KIF13B: variants seen among roughly 807,000 people sequenced by gnomAD.
KIF13B encodes kinesin family member 13B.
In KIF13B, 127 loss-of-function variants were observed where a neutral mutation model predicts 222.0. The observed-to-expected ratio is 0.57, with a 90% CI of 0.50 to 0.66. The LOEUF (loss-of-function observed/expected upper bound fraction) is 0.66. Among genes scored for constraint, KIF13B ranks in the 30% least tolerant of loss-of-function variants. The pLI is 0.00. For missense variants in KIF13B, 2,173 were observed against 2,379.0 expected (o/e 0.91, Z 1.80); for synonymous variants, 976 against 919.0 (o/e 1.06, Z -1.12).
Position 29,188,521 on chromosome 8 carries a change from G to A in KIF13B, c.310C>T (p.Gln104Ter). 6.3e-7 allele frequency: 1 copy of A among 1,589,710 alleles called. No individual in the cohort carries two copies. The change falls in exon 5 of 40, where the codon CAG (glutamine) becomes TAG (stop). Residue 104 changes from glutamine to a stop codon, truncating the protein, a stop_gained. Coordinates refer to ENST00000524189, the MANE Select transcript of KIF13B (RefSeq NM_015254.4). LOFTEE classifies it high-confidence loss of function. ...TCATGTTATTTAACATTACCAGTCT[G>A]TCCATAGGCAAAGATACATGCATTG... ...GYNACIFAYGQTGSGKSYTMM... is the reference protein window; with the variant it reads ...GYNACIFAYG
chr8:29,239,808 G>A (rs1240943570), intron 2 of KIF13B, among the ~76,000 whole-genome samples: 1 of 152,084 alleles, frequency 6.6e-6, no homozygotes, highest in Non-Finnish European at 1.5e-5. Context: ...CATTACAGGT[G>A]CCCGCCACCA....
At chr8:29,093,297 T>C (rs1416753683) in intron 36 of KIF13B, among the ~76,000 whole-genome samples, 1 of 152,158 alleles carries the variant, frequency 6.6e-6, no homozygotes, top group East Asian at 1.9e-4. Context: ...TCTTATTCAA[T>C]CTAATTTTTC....
At chr8:29,162,711 C>T (rs758368915) in intron 12 of KIF13B, among the ~76,000 whole-genome samples, 13 of 152,178 alleles carry the variant, frequency 8.5e-5, no homozygotes, top group Non-Finnish European at 1.8e-4. Context: ...ATTCATTATT[C>T]CGTTTGCCAC....
In KIF13B at chr8:29,072,329, G is replaced by C. The variant is rs1807337054; in HGVS notation, c.4522-13C>G. 2 of 1,390,236 alleles carry C rather than the reference G, an allele frequency of 1.4e-6. No homozygotes were observed. The highest frequency in any genetic ancestry group is 1.5e-5 in the African/African-American group (1 of 66,730). 86.1% of individuals were successfully genotyped at this position (1,390,236 alleles called of 1,614,324 possible). On this transcript the variant is annotated splice_polypyrimidine_tract_variant and intron_variant, in intron 38 of 39. Transcript: ENST00000524189. ...TCTCCGGCTGAGCCTGCAGCAGGACGGGGAAGCAGGGGCTGAGAACAGAAA... is the reference window on the plus strand; with the variant it reads ...TCTCCGGCTGAGCCTGCAGCAGGACCGGGAAGCAGGGGCTGAGAACAGAAA...
intron 37 of KIF13B, among the ~76,000 whole-genome samples, chr8:29,083,658 A>G (rs1807911675): frequency 6.6e-6 from 1 of 152,192 alleles, no homozygotes; most frequent in African/African-American, 2.4e-5. Flanking sequence ...GGAAAACTAA[A>G]AGAGTGATAA....
At chr8:29,082,718 CAT>C (rs1235349645) in intron 37 of KIF13B, among the ~76,000 whole-genome samples, 1 of 152,152 alleles carries the variant, frequency 6.6e-6, no homozygotes, top group African/African-American at 2.4e-5. Flanking sequence ...AAATTCTACA[CAT>C]ATATTTTAAA....
intron 3 of KIF13B, among the ~76,000 whole-genome samples, chr8:29,192,242 T>C (rs1463364): frequency 0.047 from 7,165 of 152,242 alleles, 358 homozygotes; most frequent in African/African-American, 0.12. Flanking sequence ...CAAATCAGTT[T>C]TCACATGGTG....
Position 29,263,011 on chromosome 8 carries a change from C to G in KIF13B, c.24G>C (p.Val8=). Residue 8 remains valine, a synonymous_variant, in exon 1 of 40, where the codon GTG becomes GTC. Transcript: ENST00000524189. Reference sequence around the variant, plus strand: ...GGTTCATGGGTCGTATCCGCACCGCCACTTTCACTTTGGAGTCCCCCATCC... The same window carrying G: ...GGTTCATGGGTCGTATCCGCACCGCGACTTTCACTTTGGAGTCCCCCATCC... The part of the protein sequence containing the change: MGDSKVK[V]AVRIRPMNRR... 2 of 1,599,776 alleles carry G rather than the reference C, an allele frequency of 1.3e-6. No homozygotes were observed. Among genetic ancestry groups the G allele is most frequent in the Non-Finnish European group, 1.7e-6 (2 of 1,174,414 alleles).
intron 8 of KIF13B, 42 bp from the exon 9 acceptor site, chr8:29,177,620 G>C: frequency 1.5e-6 from 2 of 1,314,564 alleles, no homozygotes; most frequent in South Asian, 2.4e-5. Flanking sequence ...AGGAACACAG[G>C]GCCAGGTGTG....
In KIF13B at chr8:29,092,882, C is replaced by A; in HGVS notation, c.4325-4G>T. 1 of 1,603,432 alleles carries A rather than the reference C, an allele frequency of 6.2e-7. No individual in the cohort carries two copies. Among genetic ancestry groups the A allele is most frequent in the Non-Finnish European group, 8.5e-7 (1 of 1,175,022 alleles). ...GATGCTGCAAGGTTACTGAGTCCTG[C>A]CCATATTACAGGGGAAAAAGATAAA... On this transcript the variant is annotated splice_polypyrimidine_tract_variant and splice_region_variant and intron_variant, in intron 36 of 39. Transcript: ENST00000524189.
At chr8:29,143,866 TA>T (rs1166301675) in intron 18 of KIF13B, among the ~76,000 whole-genome samples, 2 of 150,858 alleles carry the variant, frequency 1.3e-5, no homozygotes, top group Admixed American at 6.6e-5. Context: ...ATAATAAAAT[TA>T]AAAAAAAGTA....
At position 29,104,550 on chromosome 8, in the gene KIF13B, G is replaced by A. The variant is rs186178516; in HGVS notation, c.4215+3589C>T. ...AATGCAAAATTACACACCACAGCTA[G>A]GGACGGGGTGGGGCTCAGCTGGACC... On this transcript the variant is annotated intron_variant, in intron 35 of 39. Coordinates refer to ENST00000524189, the MANE Select transcript of KIF13B (RefSeq NM_015254.4). Among the ~76,000 whole-genome samples the A allele has an allele frequency of 3.7e-4, 57 of 152,286 alleles. 1 individual carries two copies. Among genetic ancestry groups the A allele is most frequent in the Admixed American group, 1.4e-3 (21 of 15,300 alleles).
chr8:29,091,933 T>C (rs1808316178), intron 37 of KIF13B, among the ~76,000 whole-genome samples: 1 of 152,222 alleles, frequency 6.6e-6, no homozygotes, highest in African/African-American at 2.4e-5. Context: ...TAAAACTAAT[T>C]CCTTCTCCCC....
chr8:29,133,993 T>G (rs370184972), intron 22 of KIF13B, 47 bp downstream of exon 22: 2 of 1,552,920 alleles, frequency 1.3e-6, no homozygotes, highest in Non-Finnish European at 1.8e-6. Flanking sequence ...TGTTTTGTTT[T>G]CACATGAGTA....
chr8:29,205,992 G>T (rs1373596245), intron 2 of KIF13B, among the ~76,000 whole-genome samples: 1 of 151,788 alleles, frequency 6.6e-6, no homozygotes, highest in African/African-American at 2.4e-5. Context: ...TTGGGAGGCT[G>T]AACTGGGAGG....
In KIF13B at chr8:29,070,897, C is replaced by T. The variant is rs990644345; in HGVS notation, c.5219-131G>A. ...GCACAGGCCCTACACAGCCAGCACT[C>T]GGACACTGGCCATTGTCTGGCAGGG... On this transcript the variant is annotated intron_variant, in intron 39 of 39. Coordinates refer to ENST00000524189, the MANE Select transcript of KIF13B (RefSeq NM_015254.4). This position sits in a 1 kb window ranked among gnomAD's most constrained non-coding sequence, Gnocchi z 4.1. 2.9e-5 allele frequency: 29 copies of T among 983,948 alleles called. No individual in the cohort carries two copies. Among genetic ancestry groups the T allele is most frequent in the South Asian group, 2.7e-4 (17 of 63,458 alleles). The allele number at this position is 983,948 out of a possible 1,614,324, so 61.0% of individuals were successfully genotyped here. A position where few individuals can be genotyped will look rare whatever the true frequency, so the allele number is the denominator to read the frequency against.
intron 35 of KIF13B, among the ~76,000 whole-genome samples, chr8:29,107,135 T>C (rs1232927480): frequency 2.6e-5 from 4 of 152,262 alleles, no homozygotes; most frequent in Middle Eastern, 3.2e-3. Context: ...TTCCGTTCCC[T>C]TGTTTTTCTT....
At chr8:29,180,579 A>C (rs1812670802) in intron 7 of KIF13B, among the ~76,000 whole-genome samples, 1 of 152,230 alleles carries the variant, frequency 6.6e-6, no homozygotes, top group Non-Finnish European at 1.5e-5. Flanking sequence ...TACAGAAGCA[A>C]TACAAATTTA....
intron 14 of KIF13B, among the ~76,000 whole-genome samples, chr8:29,154,803 A>G (rs568281553): frequency 1.4e-4 from 22 of 152,302 alleles, no homozygotes; most frequent in Non-Finnish European, 2.2e-4. Context: ...AGCACAACAC[A>G]GCTGTGAGGG....
Sources: gnomAD v4.1 joint callset for allele counts (sites outside exome capture counted in the v4.1 genomes callset) on GRCh38, gnomAD v4.1.1 for gene constraint, Gnocchi (gnomAD v3.1) non-coding constraint, MANE v1.5 for transcripts, NCBI Gene and HGNC (gene_info 2026-07-23, HGNC 2026-07-21) for gene names.